Variants in PPM1L observed in about 807,000 individuals in gnomAD.
PPM1L encodes the protein protein phosphatase 1L.
PPM1L carries 13 observed loss-of-function variants against 31.4 expected under a neutral mutation model. The observed-to-expected ratio is 0.41, with a 90% CI of 0.27 to 0.66. The LOEUF (loss-of-function observed/expected upper bound fraction) is 0.66, where lower values mean the gene tolerates loss of function less well. Among genes scored for constraint, PPM1L ranks in the 30% least tolerant of loss-of-function variants. PPM1L has a pLI of 0.29. For missense variants in PPM1L, 326 were observed against 453.7 expected (o/e 0.72, Z 2.56); for synonymous variants, 184 against 175.4 (o/e 1.05, Z -0.39).
chr3:160,802,753 A>T (rs966648167), intron 1 of PPM1L, among the ~76,000 whole-genome samples: 2 of 152,224 alleles, frequency 1.3e-5, no homozygotes, highest in African/African-American at 4.8e-5. Context: ...CTGAGTTTAA[A>T]TTTCACTTTT....
At chr3:161,021,696 T>C (rs1718239065) in intron 2 of PPM1L, among the ~76,000 whole-genome samples, 1 of 152,140 alleles carries the variant, frequency 6.6e-6, no homozygotes, top group South Asian at 2.1e-4. Context: ...TCACGTATTT[T>C]AGAGCTCTGT....
intron 1 of PPM1L, among the ~76,000 whole-genome samples, chr3:160,891,698 G>A (rs957684671): frequency 5.4e-4 from 82 of 152,132 alleles, no homozygotes; most frequent in African/African-American, 2.0e-3. Context: ...ACATGCACAC[G>A]TATGTTTATT....
chr3:160,877,083 T>C (rs1008101559), intron 1 of PPM1L, among the ~76,000 whole-genome samples: 2 of 152,204 alleles, frequency 1.3e-5, no homozygotes, highest in African/African-American at 2.4e-5. Flanking sequence ...TTAAAAAGTC[T>C]AATATTTGCT....
intron 1 of PPM1L, among the ~76,000 whole-genome samples, chr3:160,791,611 C>A (rs994893343): frequency 2.6e-5 from 4 of 152,028 alleles, no homozygotes; most frequent in African/African-American, 7.2e-5. Context: ...CAGGCAAGGG[C>A]CCTGTGCTTA....
intron 1 of PPM1L, among the ~76,000 whole-genome samples, chr3:160,761,615 G>A (rs2108054921): frequency 6.6e-6 from 1 of 152,252 alleles, no homozygotes; most frequent in Non-Finnish European, 1.5e-5. Context: ...TCTGGTACAT[G>A]AACCTCACTC....
intron 2 of PPM1L, among the ~76,000 whole-genome samples, chr3:160,977,372 A>G (rs1716627014): frequency 6.6e-6 from 1 of 152,364 alleles, no homozygotes; most frequent in Non-Finnish European, 1.5e-5. Context: ...ACAAACATTT[A>G]CTATGTGCCA....
chr3:160,956,338 G>A (rs569052334), intron 1 of PPM1L, among the ~76,000 whole-genome samples: 60 of 152,252 alleles, frequency 3.9e-4, no homozygotes, highest in African/African-American at 1.3e-3. Flanking sequence ...AGCTGTTGCC[G>A]AAGTCATCAT....
intron 1 of PPM1L, among the ~76,000 whole-genome samples, chr3:160,861,126 C>A (rs141918706): frequency 2.0e-5 from 3 of 152,146 alleles, no homozygotes; most frequent in Non-Finnish European, 2.9e-5. Context: ...TCATCAGTGG[C>A]GCAGCTGGGA....
intron 1 of PPM1L, among the ~76,000 whole-genome samples, chr3:160,917,419 C>T (rs1260183605): frequency 1.3e-5 from 2 of 151,192 alleles, no homozygotes; most frequent in African/African-American, 2.5e-5. Context: ...ACTTGCATTT[C>T]TGGCCTTAAT....
chr3:160,838,667 A>G (rs930446132), intron 1 of PPM1L, among the ~76,000 whole-genome samples: 1 of 152,174 alleles, frequency 6.6e-6, no homozygotes, highest in African/African-American at 2.4e-5. Context: ...AAAGATTAAT[A>G]TAAGAAGTGA....
intron 1 of PPM1L, among the ~76,000 whole-genome samples, chr3:160,902,855 A>G (rs1472652905): frequency 6.6e-6 from 1 of 152,130 alleles, no homozygotes; most frequent in East Asian, 1.9e-4. Context: ...TAAGATGTTT[A>G]TCTAGCTCGA....
intron 1 of PPM1L, among the ~76,000 whole-genome samples, chr3:160,861,522 G>A (rs1711888776): frequency 2.0e-5 from 3 of 152,060 alleles, no homozygotes; most frequent in South Asian, 2.1e-4. Flanking sequence ...TACTGTGTTC[G>A]ATTTCTGGCT....
intron 1 of PPM1L, among the ~76,000 whole-genome samples, chr3:160,846,873 T>A (rs1714093886): frequency 6.6e-6 from 1 of 152,148 alleles, no homozygotes; most frequent in Non-Finnish European, 1.5e-5. Context: ...TTATTTATTT[T>A]TTACTAGTTT....
intron 2 of PPM1L, among the ~76,000 whole-genome samples, chr3:161,026,540 A>G (rs1290119140): frequency 6.6e-6 from 1 of 152,118 alleles, no homozygotes; most frequent in African/African-American, 2.4e-5. Flanking sequence ...TACTAAAAAT[A>G]CAAAAATTAG....
intron 1 of PPM1L, among the ~76,000 whole-genome samples, chr3:160,791,860 G>A (rs1216870006): frequency 6.6e-6 from 1 of 152,184 alleles, no homozygotes; most frequent in Non-Finnish European, 1.5e-5. Flanking sequence ...AGTCTAGGCA[G>A]AGGGACGCTA....
intron 1 of PPM1L, among the ~76,000 whole-genome samples, chr3:160,899,287 G>T (rs981900831): frequency 3.3e-5 from 5 of 152,144 alleles, no homozygotes; most frequent in African/African-American, 1.2e-4. Context: ...ATACAGAAGT[G>T]TTAAAGCAGG....
chr3:161,075,395 CATAG>C lies in PPM1L; in HGVS notation c.*6241_*6244del, dbSNP rs1289906091. On this transcript the variant is annotated 3_prime_UTR_variant, in exon 4 of 4. Coordinates refer to ENST00000498165, the MANE Select transcript of PPM1L (RefSeq NM_139245.4). ...TTAATAGTAATTTCTGACACCTGCA[CATAG>C]ATGAAGAAAAGGCAGTTGTTACCAC... The C allele has an allele frequency of 5.3e-5, 8 of 152,072 alleles. No individual in the cohort carries two copies. Among genetic ancestry groups the C allele is most frequent in the African/African-American group, 4.8e-5 (2 of 41,412 alleles). The allele number at this position is 152,072 out of a possible 1,614,324, so 9.4% of individuals were successfully genotyped here.
At chr3:160,884,014 G>A (rs1189734026) in intron 1 of PPM1L, among the ~76,000 whole-genome samples, 2 of 151,796 alleles carry the variant, frequency 1.3e-5, no homozygotes, top group African/African-American at 2.4e-5. Flanking sequence ...AGACTGCCAC[G>A]AGCTGTGATT....
At chr3:160,931,138 T>A (rs189402310) in intron 1 of PPM1L, among the ~76,000 whole-genome samples, 16 of 152,284 alleles carry the variant, frequency 1.1e-4, no homozygotes, top group South Asian at 2.1e-4. Context: ...ATAAAAAATA[T>A]GAGTTGCTCA....
Sources: allele counts gnomAD v4.1 joint callset (sites outside exome capture counted in the v4.1 genomes callset), GRCh38; gene constraint gnomAD v4.1.1; transcripts MANE v1.5; gene names NCBI Gene and HGNC (gene_info 2026-07-23, HGNC 2026-07-21).